The following HYAL4 variants were observed in gnomAD, a reference collection of about 807,000 sequenced individuals.
The protein encoded by HYAL4 is hyaluronidase-4.
A neutral mutation model predicts 35.2 loss-of-function variants in HYAL4; 37 were observed. That is an observed-to-expected ratio of 1.05 (90% confidence interval 0.81 to 1.38). The LOEUF is 1.38. Among genes scored for constraint, HYAL4 ranks in the 40% most tolerant of loss-of-function variants. The pLI, the probability that HYAL4 is intolerant of heterozygous loss-of-function variation, is 0.00. For missense variants in HYAL4, 572 were observed against 572.4 expected (o/e 1.00, Z 0.01); for synonymous variants, 198 against 203.2 (o/e 0.97, Z 0.22).
chr7:123,850,400 C>T (rs756716027), intron 2 of HYAL4, among the ~76,000 whole-genome samples: 20 of 152,148 alleles, frequency 1.3e-4, no homozygotes, highest in South Asian at 2.1e-4. Flanking sequence ...CACCACCAGC[C>T]GGCTAATTTT....
chr7:123,832,112 A>G (rs541369432), intron 1 of HYAL4, among the ~76,000 whole-genome samples: 141 of 152,100 alleles, frequency 9.3e-4, no homozygotes, highest in African/African-American at 3.1e-3. Flanking sequence ...TTGCCATTCT[A>G]TGCATTCTGG....
At chr7:123,828,459 CACA>C (rs760335462), upstream of HYAL4, among the ~76,000 whole-genome samples, 8 of 150,978 alleles carry the variant, frequency 5.3e-5, no homozygotes, top group South Asian at 2.1e-4. Flanking sequence ...CACACACACA[CACA>C]CCTCTAAAAA....
chr7:123,783,444 G>A, the HYAL4 span, among the ~76,000 whole-genome samples: 1 of 150,892 alleles, frequency 6.6e-6, no homozygotes, highest in East Asian at 2.0e-4. Flanking sequence ...ATAGTTAAGT[G>A]ATATAACAAG....
the HYAL4 span, among the ~76,000 whole-genome samples, chr7:123,799,447 TTAAA>T: frequency 6.7e-6 from 1 of 149,966 alleles, no homozygotes; most frequent in Non-Finnish European, 1.5e-5. Flanking sequence ...TAAAATAAAA[TTAAA>T]TTATAAATTA....
chr7:123,801,694 A>G, the HYAL4 span, among the ~76,000 whole-genome samples: 1 of 152,138 alleles, frequency 6.6e-6, no homozygotes, highest in Non-Finnish European at 1.5e-5. Flanking sequence ...CTAGTCCTCA[A>G]TTTTGCAGGC....
At chr7:123,839,275 T>C (rs1308505468) in intron 1 of HYAL4, among the ~76,000 whole-genome samples, 1 of 152,128 alleles carries the variant, frequency 6.6e-6, no homozygotes, top group African/African-American at 2.4e-5. Context: ...CTGAGATTGA[T>C]GGTTTCTGGC....
chr7:123,784,747 G>A, the HYAL4 span, among the ~76,000 whole-genome samples: 9 of 152,116 alleles, frequency 5.9e-5, no homozygotes, highest in African/African-American at 1.9e-4. Context: ...GCTTTTATTT[G>A]AATTTGCTAG....
chr7:123,764,963 C>T, the HYAL4 span, among the ~76,000 whole-genome samples: 2 of 152,058 alleles, frequency 1.3e-5, no homozygotes, highest in Non-Finnish European at 2.9e-5. Context: ...ATATATTCAA[C>T]CAAAGTGTCA....
At chr7:123,837,052 GA>G (rs997495254) in intron 1 of HYAL4, among the ~76,000 whole-genome samples, 11 of 151,766 alleles carry the variant, frequency 7.2e-5, no homozygotes, top group Middle Eastern at 3.4e-3. Context: ...AAAAAAGAAA[GA>G]AAAAAAAGAT....
the HYAL4 span, among the ~76,000 whole-genome samples, chr7:123,800,266 T>G: frequency 3.3e-5 from 5 of 151,018 alleles, no homozygotes; most frequent in South Asian, 2.1e-4. Flanking sequence ...ACCTCCCGGG[T>G]TCACGCCATT....
At chr7:123,769,538 A>C in the HYAL4 span, among the ~76,000 whole-genome samples, 4 of 152,150 alleles carry the variant, frequency 2.6e-5, no homozygotes, top group African/African-American at 9.7e-5. Flanking sequence ...TGAGCTGCCA[A>C]GAAAGGGGCA....
the HYAL4 span, among the ~76,000 whole-genome samples, chr7:123,802,920 G>A: frequency 6.6e-6 from 1 of 152,182 alleles, no homozygotes; most frequent in Non-Finnish European, 1.5e-5. Context: ...GACTGACCTT[G>A]CTGGTGTCTC....
At chr7:123,840,685 C>T (rs2116915505), upstream of HYAL4, among the ~76,000 whole-genome samples, 1 of 152,018 alleles carries the variant, frequency 6.6e-6, no homozygotes, top group South Asian at 2.1e-4. Flanking sequence ...TGTAGTTCTC[C>T]TTGAAGAGGT....
At chr7:123,819,457 C>A in the HYAL4 span, 1 of 152,534 alleles carries the variant, frequency 6.6e-6, no homozygotes. Flanking sequence ...CTGTCAGCAA[C>A]TTGAATATAC....
At chr7:123,776,333 C>T in the HYAL4 span, among the ~76,000 whole-genome samples, 4 of 152,092 alleles carry the variant, frequency 2.6e-5, no homozygotes, top group South Asian at 2.1e-4. Context: ...CAACGATGGG[C>T]GACATGCTGT....
At chr7:123,829,330 T>C (rs1584906829) in intron 1 of HYAL4, 2 of 152,268 alleles carry the variant, frequency 1.3e-5, no homozygotes, top group African/African-American at 4.8e-5. Context: ...TTTTTCTCAT[T>C]ATGGCTTCTT....
chr7:123,833,750 T>G (rs10232875), intron 1 of HYAL4, among the ~76,000 whole-genome samples: 8 of 152,296 alleles, frequency 5.3e-5, no homozygotes, highest in African/African-American at 1.9e-4. Flanking sequence ...TCATCTTGAG[T>G]TGATTTTTGT....
At chr7:123,777,428 A>T in the HYAL4 span, among the ~76,000 whole-genome samples, 1 of 152,224 alleles carries the variant, frequency 6.6e-6, no homozygotes, top group Admixed American at 6.5e-5. Flanking sequence ...TAATGTGGCT[A>T]ATAGAAAATT....
chr7:123,781,931 G>C, the HYAL4 span, among the ~76,000 whole-genome samples: 2 of 152,040 alleles, frequency 1.3e-5, no homozygotes, highest in Non-Finnish European at 2.9e-5. Context: ...CTTCGAGGTA[G>C]GGTTTCACTT....
Sources: gnomAD v4.1 joint callset for allele counts (sites outside exome capture counted in the v4.1 genomes callset) on GRCh38, gnomAD v4.1.1 for gene constraint, MANE v1.5 for transcripts, NCBI Gene and HGNC (gene_info 2026-07-23, HGNC 2026-07-21) for gene names.